Variants in CFAP92 observed in about 807,000 individuals in gnomAD.
CFAP92 encodes the protein uncharacterized protein CFAP92.
In CFAP92, 86 loss-of-function variants were observed where a neutral mutation model predicts 106.3. The ratio of observed to expected loss-of-function variants is 0.81; its 90% confidence interval spans 0.68 to 0.97. The LOEUF is 0.97. Ranked by LOEUF, CFAP92 falls within the 50% of genes least tolerant of loss-of-function variation. The probability of loss-of-function intolerance (pLI) is 0.00; values close to 1 mark genes in which losing one functional copy is unlikely to be tolerated. For missense variants in CFAP92, 1,204 were observed against 1,283.8 expected (o/e 0.94, Z 0.95); for synonymous variants, 477 against 506.4 (o/e 0.94, Z 0.78).
intron 10 of CFAP92, among the ~76,000 whole-genome samples, chr3:128,940,645 C>T (rs1303081594): frequency 3.9e-5 from 6 of 152,158 alleles, no homozygotes; most frequent in Admixed American, 3.9e-4. Flanking sequence ...CAAATGAACA[C>T]TTATGTGTAG....
At chr3:128,933,240 T>C (rs1266641706) in intron 11 of CFAP92, among the ~76,000 whole-genome samples, 1 of 152,170 alleles carries the variant, frequency 6.6e-6, no homozygotes, top group Non-Finnish European at 1.5e-5. Context: ...CTCTGAGTGC[T>C]GCTCTGTTCC....
chr3:128,934,593 C>G (rs1013985634), intron 11 of CFAP92, among the ~76,000 whole-genome samples: 1 of 152,016 alleles, frequency 6.6e-6, no homozygotes, highest in Non-Finnish European at 1.5e-5. Flanking sequence ...TACAGTGGCT[C>G]GGTCTCAGCT....
chr3:128,988,954 C>A, intron 2 of CFAP92, 36 bp from the exon 3 acceptor site: 1 of 1,544,136 alleles, frequency 6.5e-7, no homozygotes, highest in South Asian at 1.1e-5. Context: ...TCGTTTTAAC[C>A]TCATGTGGAA....
chr3:128,926,926 TCTA>T, intron 12 of CFAP92, among the ~76,000 whole-genome samples: 1 of 151,952 alleles, frequency 6.6e-6, no homozygotes, highest in African/African-American at 2.4e-5. Context: ...AAACCCTGTC[TCTA>T]CTAAAAATAC....
Position 128,945,519 on chromosome 3 carries a change from T to A in CFAP92, c.1810A>T (p.Lys604Ter). The A allele has an allele frequency of 6.5e-7, 1 of 1,536,114 alleles. No homozygotes were observed. The highest frequency in any genetic ancestry group is 1.4e-5 in the African/African-American group (1 of 73,146). The stretch of plus-strand genomic sequence containing the variant: ...CTGGGGACCCCAAGCCCCACAACCT[T>A]CCTTCTCCTGCTGTCCTGGCCGCAG... ...THCGQDSRRR[K>*]VVGLGVPRDG... The change falls in exon 10 of 16, where the codon AAG (lysine) becomes TAG (stop). Residue 604 changes from lysine (K) to a stop codon, truncating the protein, a stop_gained. Coordinates refer to ENST00000645291, the MANE Select transcript of CFAP92 (RefSeq NM_001394090.1). LOFTEE classifies it high-confidence loss of function.
At chr3:128,933,736 A>G (rs114606235) in intron 11 of CFAP92, among the ~76,000 whole-genome samples, 131 of 152,290 alleles carry the variant, frequency 8.6e-4, no homozygotes, top group Non-Finnish European at 1.6e-3. Flanking sequence ...TGTTTCCTTC[A>G]TAGAACCCTC....
At chr3:128,951,125 T>C (rs72977139) in intron 9 of CFAP92, among the ~76,000 whole-genome samples, 25,137 of 151,866 alleles carry the variant, frequency 0.17, 5,825 homozygotes, top group African/African-American at 0.52. Flanking sequence ...ATTCCAGCTG[T>C]TCAGGAAGCT....
intron 15 of CFAP92, chr3:128,910,853 T>A (rs1559834866): frequency 6.2e-7 from 1 of 1,601,960 alleles, no homozygotes; most frequent in Admixed American, 1.7e-5. Flanking sequence ...AAGGGCCCAC[T>A]TCTAGGCCCC....
At chr3:129,003,930 A>G, upstream of CFAP92, 5 of 1,377,600 alleles carry the variant, frequency 3.6e-6, no homozygotes, top group Non-Finnish European at 4.7e-6. Context: ...CGCCGTGGCC[A>G]GGCCGAGGTG....
chr3:128,981,723 A>G (rs780510043), intron 4 of CFAP92, among the ~76,000 whole-genome samples: 2 of 152,354 alleles, frequency 1.3e-5, no homozygotes, highest in East Asian at 3.9e-4. Flanking sequence ...CTTTTAGATA[A>G]TAAGATTTGA....
In CFAP92 at chr3:129,000,470, C is replaced by A. The variant is rs566219880; in HGVS notation, n.117+2104G>T. 2.0e-5 allele frequency among the ~76,000 whole-genome samples: 3 copies of A among 152,332 alleles called. No homozygotes were observed. In the South Asian group the frequency reaches 6.2e-4, roughly 32 times the overall value. The stretch of plus-strand genomic sequence containing the variant: ...AGTTATCCACAAGGCAAGATTCTGT[C>A]TCTGTCATAGCTAGGAACAGCTGAA... On this transcript the variant is annotated intron_variant and non_coding_transcript_variant, in intron 1 of 4. Transcript: ENST00000510149.
intron 10 of CFAP92, among the ~76,000 whole-genome samples, chr3:128,943,041 T>A (rs1939817178): frequency 6.8e-6 from 1 of 147,474 alleles, no homozygotes; most frequent in Non-Finnish European, 1.5e-5. Flanking sequence ...TGCCTCAGCC[T>A]CCTGAGTAGC....
At chr3:128,991,911 A>G in intron 2 of CFAP92, 2 of 983,194 alleles carry the variant, frequency 2.0e-6, no homozygotes, top group Non-Finnish European at 2.4e-6. Flanking sequence ...CTCCCCTCAT[A>G]TTGGGCTGGA....
chr3:128,973,674 AAGAG>A (rs1942966054), intron 7 of CFAP92, among the ~76,000 whole-genome samples: 1 of 151,418 alleles, frequency 6.6e-6, no homozygotes, highest in South Asian at 2.1e-4. Context: ...AAAAAAAAAA[AAGAG>A]AGAGATGCTG....
chr3:128,988,845 C>T lies in CFAP92; in HGVS notation c.336G>A (p.Lys112=), dbSNP rs1576641311. The T allele has an allele frequency of 1.2e-6, 2 of 1,613,880 alleles. No individual in the cohort carries two copies. The highest frequency in any genetic ancestry group is 4.5e-5 in the East Asian group (2 of 44,862). The part of the protein sequence containing the change: ...KHPKTDSSVT[K]MRRFYHIEYF... Reference sequence around the variant, plus strand: ...ACTCAATGTGGTAAAAACGACGCATCTTTGTAACAGAACTGTCTGTTTTAG... The same window carrying T: ...ACTCAATGTGGTAAAAACGACGCATTTTTGTAACAGAACTGTCTGTTTTAG... Residue 112 remains lysine, a synonymous_variant, in exon 3 of 16, where the codon AAG becomes AAA. Coordinates refer to ENST00000645291, the MANE Select transcript of CFAP92 (RefSeq NM_001394090.1).
chr3:129,001,874 C>G, intron 1 of CFAP92: 1 of 1,545,502 alleles, frequency 6.5e-7, no homozygotes, highest in Non-Finnish European at 8.7e-7. Context: ...TCCGAGCGCT[C>G]TGCGCTGTGC....
rs1253005917 is a variant in CFAP92 at position 128,955,602 on chromosome 3, C to T, written c.1354-9627G>A. On this transcript the variant is annotated intron_variant, in intron 9 of 15. Coordinates refer to ENST00000645291, the MANE Select transcript of CFAP92 (RefSeq NM_001394090.1). ...GCCGCCCCGCCCAGGAGGTGAGGGGCGCCTCTGCCCGGCCGCCCCTACTGG... is the reference window on the plus strand; with the variant it reads ...GCCGCCCCGCCCAGGAGGTGAGGGGTGCCTCTGCCCGGCCGCCCCTACTGG... 1.5e-4 allele frequency among the ~76,000 whole-genome samples: 7 copies of T among 48,138 alleles called. 2 individuals are homozygous for T. Among genetic ancestry groups the T allele is most frequent in the African/African-American group, 1.2e-3 (3 of 2,448 alleles). The allele number at this position is 48,138 out of a possible 152,430, so 31.6% of individuals were successfully genotyped here.
At chr3:128,996,723 G>A (rs569130081), upstream of CFAP92, among the ~76,000 whole-genome samples, 6 of 152,294 alleles carry the variant, frequency 3.9e-5, no homozygotes, top group Admixed American at 6.5e-5. Context: ...TGCTGGCCTC[G>A]CCTGGGCTCA....
rs1938556342 is a variant in CFAP92 at position 128,932,912 on chromosome 3, A to C, written c.2539T>G (p.Leu847Val). 2 of 1,536,122 alleles carry C rather than the reference A, an allele frequency of 1.3e-6. No homozygotes were observed. The highest frequency in any genetic ancestry group is 4.9e-5 in the East Asian group (2 of 40,908). Residue 847 changes from leucine (L) to valine (V), a missense_variant, in exon 12 of 16, where the codon TTG becomes GTG. Coordinates refer to ENST00000645291, the MANE Select transcript of CFAP92 (RefSeq NM_001394090.1). ...LLPSSAMIKDLSQEFGMPLSQ... is the reference protein window; with the variant it reads ...LLPSSAMIKDVSQEFGMPLSQ... ...AGGGGCATCCCAAACTCTTGGCTCA[A>C]GTCTTTTATCATAGCAGAGGAGGGC...
Sources: gnomAD v4.1 joint callset for allele counts (sites outside exome capture counted in the v4.1 genomes callset) on GRCh38, gnomAD v4.1.1 for gene constraint, MANE v1.5 for transcripts, NCBI Gene and HGNC (gene_info 2026-07-23, HGNC 2026-07-21) for gene names.